Variants in FAM168A observed in about 807,000 individuals in gnomAD.
The protein encoded by FAM168A is family with sequence similarity 168 member A, also known as protein FAM168A.
Under a neutral mutation model 28.5 loss-of-function variants are expected in FAM168A, and 3 were observed. That is an observed-to-expected ratio of 0.11 (90% CI 0.05 to 0.27). FAM168A has a LOEUF of 0.27. FAM168A is among the 10% of genes least tolerant of loss of function. The pLI is 1.00. For missense variants in FAM168A, 222 were observed against 311.5 expected, an observed-to-expected ratio of 0.71 and a Z score of 2.16; for synonymous variants, 122 against 124.2, an observed-to-expected ratio of 0.98 and a Z score of 0.12.
chr11:73,470,585 G>C (rs1867800359), intron 1 of FAM168A, among the ~76,000 whole-genome samples: 1 of 152,082 alleles, frequency 6.6e-6, no homozygotes, highest in Non-Finnish European at 1.5e-5. Flanking sequence ...CCTCACAAAA[G>C]GATGCGTTTG....
rs1322001788 is a variant in FAM168A at position 73,401,472 on chromosome 11, ACT to A, written c.*5289_*5290del. 6.6e-6 allele frequency: 1 copy of A among 151,814 alleles called. No homozygotes were observed. Among genetic ancestry groups the A allele is most frequent in the South Asian group, 2.1e-4 (1 of 4,820 alleles). The allele number at this position is 151,814 out of a possible 1,614,324, so 9.4% of individuals were successfully genotyped here. On this transcript the variant is annotated 3_prime_UTR_variant, in exon 8 of 8. Coordinates refer to ENST00000356467, the MANE Select transcript of FAM168A (RefSeq NM_015159.3). ...TGGGACAGTCTCCTCTCTTTCCCTG[ACT>A]CTCTTAGGCCTGAGGAGAAAGGCTG...
chr11:73,477,986 T>C (rs1468142356), intron 1 of FAM168A, among the ~76,000 whole-genome samples: 1 of 151,396 alleles, frequency 6.6e-6, no homozygotes, highest in Non-Finnish European at 1.5e-5. Flanking sequence ...AAGGTATAAA[T>C]ATTTTTCGTG....
chr11:73,479,707 A>T (rs1867941829), intron 1 of FAM168A, among the ~76,000 whole-genome samples: 1 of 152,102 alleles, frequency 6.6e-6, no homozygotes, highest in Non-Finnish European at 1.5e-5. Flanking sequence ...TTGCTTGCCC[A>T]ATTATTTTCT....
intron 1 of FAM168A, among the ~76,000 whole-genome samples, chr11:73,515,800 C>G (rs1308844557): frequency 6.6e-6 from 1 of 152,098 alleles, no homozygotes; most frequent in East Asian, 1.9e-4. Flanking sequence ...TTGGCTCAGT[C>G]TTAAGGGTCT....
At chr11:73,558,061 A>T (rs1182693677) in intron 1 of FAM168A, among the ~76,000 whole-genome samples, 1 of 152,240 alleles carries the variant, frequency 6.6e-6, no homozygotes, top group Non-Finnish European at 1.5e-5. Context: ...TACAACCATG[A>T]TAAATCTTCA....
At chr11:73,427,975 C>G (rs547128896) in intron 3 of FAM168A, among the ~76,000 whole-genome samples, 40 of 152,268 alleles carry the variant, frequency 2.6e-4, no homozygotes, top group African/African-American at 8.4e-4. Context: ...GGTTAAGAAC[C>G]CTCCTTGATC....
chr11:73,579,957 A>G (rs902653474), intron 1 of FAM168A, among the ~76,000 whole-genome samples: 1 of 152,226 alleles, frequency 6.6e-6, no homozygotes, highest in Non-Finnish European at 1.5e-5. Context: ...ACAATAGCAC[A>G]GAATCAAAGT....
intron 1 of FAM168A, among the ~76,000 whole-genome samples, chr11:73,492,376 G>A (rs1329810642): frequency 2.0e-5 from 3 of 152,206 alleles, no homozygotes; most frequent in Non-Finnish European, 4.4e-5. Context: ...GCCTGGCATG[G>A]TGGTTTATGC....
chr11:73,433,076 C>CTTTTTTT lies in FAM168A; in HGVS notation c.71-2313_71-2307dup, dbSNP rs34994742. 4.6e-4 allele frequency among the ~76,000 whole-genome samples: 37 copies of CTTTTTTT among 80,602 alleles called. 1 individual carries two copies. Among genetic ancestry groups the CTTTTTTT allele is most frequent in the African/African-American group, 2.2e-3 (32 of 14,700 alleles). The allele number at this position is 80,602 out of a possible 152,430, so 52.9% of individuals were successfully genotyped here. A position where few individuals can be genotyped will look rare whatever the true frequency, so the allele number is the denominator to read the frequency against. The stretch of plus-strand genomic sequence containing the variant: ...ACAGGTGCGTGCCACCACGCCCCGC[C>CTTTTTTT]TTTTTTTTTTTTTTTTTTTTTTTTT... On this transcript the variant is annotated intron_variant, in intron 2 of 7. Coordinates refer to ENST00000356467, the MANE Select transcript of FAM168A (RefSeq NM_015159.3).
intron 2 of FAM168A, among the ~76,000 whole-genome samples, chr11:73,438,448 T>G (rs980846807): frequency 6.6e-6 from 1 of 152,074 alleles, no homozygotes; most frequent in East Asian, 1.9e-4. Flanking sequence ...ACTGATTCCA[T>G]GCATGAAGGT....
At chr11:73,469,460 A>G (rs1265191536) in intron 1 of FAM168A, among the ~76,000 whole-genome samples, 1 of 152,202 alleles carries the variant, frequency 6.6e-6, no homozygotes, top group African/African-American at 2.4e-5. Context: ...AACAAGTCAA[A>G]TGTTGAAGGC....
rs1287393681 is a variant in FAM168A at position 73,400,623 on chromosome 11, C to T, written c.*6140G>A. ...TAAAGCTCCCCAGCAGCTGTGAGAC[C>T]CTTAGGGCAGACCCCTGTCAGATCA... On this transcript the variant is annotated 3_prime_UTR_variant, in exon 8 of 8. Coordinates refer to ENST00000356467, the MANE Select transcript of FAM168A (RefSeq NM_015159.3). 1 of 152,144 alleles carries T rather than the reference C, an allele frequency of 6.6e-6. No homozygotes were observed. The highest frequency in any genetic ancestry group is 1.5e-5 in the Non-Finnish European group (1 of 68,050). 9.4% of individuals were successfully genotyped at this position (152,144 alleles called of 1,614,324 possible). A position where few individuals can be genotyped will look rare whatever the true frequency, so the allele number is the denominator to read the frequency against.
intron 2 of FAM168A, among the ~76,000 whole-genome samples, chr11:73,435,145 T>G (rs1021590472): frequency 6.6e-6 from 1 of 152,234 alleles, no homozygotes; most frequent in Admixed American, 6.5e-5. Flanking sequence ...AATATGCCTT[T>G]CCCTAAATCC....
At position 73,582,007 on chromosome 11, in the gene FAM168A, G is replaced by A. The variant is rs550243392; in HGVS notation, c.-19+15916C>T. 1.4e-4 allele frequency among the ~76,000 whole-genome samples: 22 copies of A among 151,920 alleles called. No individual in the cohort carries two copies. In the South Asian group the frequency reaches 3.4e-3, roughly 23 times the overall value. On this transcript the variant is annotated intron_variant, in intron 1 of 7. Coordinates refer to ENST00000356467, the MANE Select transcript of FAM168A (RefSeq NM_015159.3). ...GCTGGGATTACAGGCATGAGCCACC[G>A]CACCCAGCCAACTTATTTGTTTATA... is the stretch of plus-strand genomic sequence containing the variant.
At chr11:73,559,363 C>T (rs946935767) in intron 1 of FAM168A, among the ~76,000 whole-genome samples, 1 of 151,914 alleles carries the variant, frequency 6.6e-6, no homozygotes, top group Admixed American at 6.6e-5. Context: ...GCCGAGATCG[C>T]GCCACTGCAT....
intron 1 of FAM168A, among the ~76,000 whole-genome samples, chr11:73,496,913 A>G (rs1405159146): frequency 1.3e-5 from 2 of 151,274 alleles, no homozygotes; most frequent in African/African-American, 2.4e-5. Flanking sequence ...ACACGCACAC[A>G]CACGCACACA....
At chr11:73,494,767 A>G (rs986029147) in intron 1 of FAM168A, among the ~76,000 whole-genome samples, 1 of 152,192 alleles carries the variant, frequency 6.6e-6, no homozygotes, top group Non-Finnish European at 1.5e-5. Flanking sequence ...TGGGAGGCCG[A>G]GGAGGGCGGA....
At chr11:73,541,416 A>C (rs1943655619) in intron 1 of FAM168A, among the ~76,000 whole-genome samples, 1 of 149,488 alleles carries the variant, frequency 6.7e-6, no homozygotes, top group African/African-American at 2.5e-5. Flanking sequence ...TCTGTCATCC[A>C]GGCTGGAGTG....
At chr11:73,517,281 T>C (rs1943317135) in intron 1 of FAM168A, among the ~76,000 whole-genome samples, 1 of 152,158 alleles carries the variant, frequency 6.6e-6, no homozygotes, top group Non-Finnish European at 1.5e-5. Context: ...TCCTCTCACC[T>C]CGGCCTCCCA....
Sources: gnomAD v4.1 joint callset for allele counts (sites outside exome capture counted in the v4.1 genomes callset) on GRCh38, gnomAD v4.1.1 for gene constraint, MANE v1.5 for transcripts, NCBI Gene and HGNC (gene_info 2026-07-23, HGNC 2026-07-21) for gene names.